Variants in CDH23 observed in about 807,000 individuals in gnomAD.
The protein encoded by CDH23 is cadherin related 23, also known as cadherin-23.
A neutral mutation model predicts 317.1 loss-of-function variants in CDH23; 189 were observed. The ratio of observed to expected loss-of-function variants is 0.60; its 90% CI spans 0.53 to 0.67. The LOEUF (loss-of-function observed/expected upper bound fraction) is 0.67. CDH23 is among the 30% of genes least tolerant of loss of function. The pLI is 0.00. For missense variants in CDH23, 4,401 were observed against 4,592.4 expected (o/e 0.96, Z 1.20); for synonymous variants, 1,839 against 1,876.8 (o/e 0.98, Z 0.52).
chr10:71,397,447 T>G lies in CDH23; in HGVS notation c.-6+129T>G, dbSNP rs1327890086. The G allele has an allele frequency of 1.3e-5, 2 of 151,010 alleles. No homozygotes were observed. The highest frequency in any genetic ancestry group is 3.0e-5 in the Non-Finnish European group (2 of 67,762). 9.4% of individuals were successfully genotyped at this position (151,010 alleles called of 1,614,324 possible). ...GAACCACTTGTTCCCAGCGCGGCCATCGCCCGTGGCGGGCGCTCGCGGCAT... is the reference window on the plus strand; with the variant it reads ...GAACCACTTGTTCCCAGCGCGGCCAGCGCCCGTGGCGGGCGCTCGCGGCAT... On this transcript the variant is annotated intron_variant, in intron 1 of 69. Coordinates refer to ENST00000224721, the MANE Select transcript of CDH23 (RefSeq NM_022124.6). This position sits in a 1 kb window ranked among gnomAD's most constrained non-coding sequence, Gnocchi z 4.8.
intron 14 of CDH23, among the ~76,000 whole-genome samples, chr10:71,670,267 G>A (rs74145266): frequency 0.019 from 2,854 of 152,314 alleles, 94 homozygotes; most frequent in African/African-American, 0.063. Flanking sequence ...TGGGGTATCA[G>A]CCCCACAGAA....
At position 71,680,619 on chromosome 10, in the gene CDH23, G is replaced by A. The variant is rs188335693; in HGVS notation, c.1858+1127G>A. 2.4e-3 allele frequency among the ~76,000 whole-genome samples: 363 copies of A among 151,668 alleles called. 1 individual carries two copies. Among genetic ancestry groups the A allele is most frequent in the Admixed American group, 6.8e-3 (103 of 15,254 alleles). On this transcript the variant is annotated intron_variant, in intron 17 of 69. Transcript: ENST00000224721. ...AAAAATTGGCCAGGCGTGGTGGTGT[G>A]CACCTGTAATCCCAGATACTCGGAA...
chr10:71,434,871 G>A (rs1047628538), intron 1 of CDH23, among the ~76,000 whole-genome samples: 3 of 152,170 alleles, frequency 2.0e-5, no homozygotes, highest in African/African-American at 7.2e-5. Flanking sequence ...AACAGCCTGG[G>A]AGGGCAGATG....
In CDH23 at chr10:71,760,086, C is replaced by T. The variant is rs1393377957; in HGVS notation, c.4846-17594C>T. Among the ~76,000 whole-genome samples, 11 of 137,662 alleles carry T rather than the reference C, an allele frequency of 8.0e-5. No homozygotes were observed. In the East Asian group the frequency reaches 2.3e-3, roughly 29 times the overall value. 90.3% of individuals were successfully genotyped at this position (137,662 alleles called of 152,430 possible). ...ATACACACACACATATATATACACACACATATACACACACACATACATACA... is the reference window on the plus strand; with the variant it reads ...ATACACACACACATATATATACACATACATATACACACACACATACATACA... On this transcript the variant is annotated intron_variant, in intron 38 of 69. Transcript: ENST00000224721.
intron 27 of CDH23, among the ~76,000 whole-genome samples, chr10:71,710,265 C>G (rs1865926003): frequency 6.6e-6 from 1 of 152,226 alleles, no homozygotes. Flanking sequence ...TTTCCCCTCC[C>G]TGGCAGAAGC....
chr10:71,789,280 G>T (rs1841181877), intron 45 of CDH23, among the ~76,000 whole-genome samples: 1 of 152,172 alleles, frequency 6.6e-6, no homozygotes, highest in South Asian at 2.1e-4. Context: ...GTTCCCCAGG[G>T]TGGTCTGAGA....
At chr10:71,723,317 G>T (rs145440959) in intron 28 of CDH23, among the ~76,000 whole-genome samples, 1 of 152,238 alleles carries the variant, frequency 6.6e-6, no homozygotes, top group Non-Finnish European at 1.5e-5. Context: ...CTCATGTTGG[G>T]GTCAGCTATG....
chr10:71,667,653 T>C (rs1863972097), intron 14 of CDH23, among the ~76,000 whole-genome samples: 1 of 151,926 alleles, frequency 6.6e-6, no homozygotes, highest in South Asian at 2.1e-4. Flanking sequence ...AGGCAACCTG[T>C]AAGGTGGGGG....
At chr10:71,743,157 A>ATGG (rs1839780456) in intron 38 of CDH23, among the ~76,000 whole-genome samples, 9 of 152,222 alleles carry the variant, frequency 5.9e-5, no homozygotes, top group African/African-American at 2.2e-4. Context: ...CCCAGACTCA[A>ATGG]GCTATGGGAA....
At chr10:71,760,064 C>CACACACACATATATAT (rs1413371350) in intron 38 of CDH23, among the ~76,000 whole-genome samples, 1,632 of 22,340 alleles carry the variant, frequency 0.073, 496 homozygotes, top group Middle Eastern at 0.12. Flanking sequence ...CATATATATA[C>CACACACACATATATAT]ACACACACAT....
At chr10:71,411,558 TAAC>T (rs1266530268) in intron 1 of CDH23, among the ~76,000 whole-genome samples, 24 of 152,292 alleles carry the variant, frequency 1.6e-4, no homozygotes, top group African/African-American at 5.5e-4. Flanking sequence ...CTATAAATAA[TAAC>T]AGTTTTATAT....
chr10:71,752,402 G>A (rs938563916), intron 38 of CDH23, among the ~76,000 whole-genome samples: 2 of 152,218 alleles, frequency 1.3e-5, no homozygotes, highest in Admixed American at 6.5e-5. Context: ...GAGGAGCTTT[G>A]TGTTTGGTGT....
At chr10:71,623,987 C>G (rs1352518170) in intron 11 of CDH23, among the ~76,000 whole-genome samples, 1 of 152,208 alleles carries the variant, frequency 6.6e-6, no homozygotes, top group African/African-American at 2.4e-5. Context: ...CTCGTCCTCC[C>G]GCTGTGCCTC....
rs147171538 is a variant in CDH23 at position 71,758,808 on chromosome 10, A to G, written c.4845+16887A>G. On this transcript the variant is annotated intron_variant, in intron 38 of 69. Transcript: ENST00000224721. ...TTTGGAGGTCAAGGTGGGAAGATCA[A>G]TTGAGCCCAGGAGTTCAAGACCAGC... Among the ~76,000 whole-genome samples, 18 of 152,188 alleles carry G rather than the reference A, an allele frequency of 1.2e-4. No individual in the cohort carries two copies. The East Asian group carries it at 2.9e-3, about 25-fold the overall frequency.
intron 6 of CDH23, among the ~76,000 whole-genome samples, chr10:71,526,713 A>G (rs1855059522): frequency 6.6e-6 from 1 of 152,210 alleles, no homozygotes; most frequent in Non-Finnish European, 1.5e-5. Flanking sequence ...AACAGCAATA[A>G]TAATAACGAT....
chr10:71,559,150 C>T (rs991694917), intron 6 of CDH23, among the ~76,000 whole-genome samples: 4 of 152,202 alleles, frequency 2.6e-5, no homozygotes, highest in Admixed American at 2.6e-4. Context: ...AGCTTCAGCT[C>T]ACCCGTCTCC....
At chr10:71,574,199 G>A (rs914259805) in intron 8 of CDH23, among the ~76,000 whole-genome samples, 2 of 151,846 alleles carry the variant, frequency 1.3e-5, no homozygotes, top group Non-Finnish European at 2.9e-5. Context: ...TTTATCTGCG[G>A]CTCACAGCAT....
chr10:71,521,510 T>C (rs918763805), intron 6 of CDH23, among the ~76,000 whole-genome samples: 1 of 152,202 alleles, frequency 6.6e-6, no homozygotes, highest in East Asian at 1.9e-4. Flanking sequence ...AAGTGGTCAC[T>C]TTCCTGCCAC....
chr10:71,508,759 C>A, intron 3 of CDH23, among the ~76,000 whole-genome samples: 1 of 152,200 alleles, frequency 6.6e-6, no homozygotes, highest in East Asian at 1.9e-4. Flanking sequence ...CCGATCTCCT[C>A]ACCCCTTTGA....
Sources: allele counts gnomAD v4.1 joint callset (sites outside exome capture counted in the v4.1 genomes callset), GRCh38; gene constraint gnomAD v4.1.1; non-coding constraint Gnocchi (gnomAD v3.1); transcripts MANE v1.5; gene names NCBI Gene and HGNC (gene_info 2026-07-23, HGNC 2026-07-21).